CNBD1: variants seen among roughly 807,000 people sequenced by gnomAD.
CNBD1 encodes the protein cyclic nucleotide-binding domain-containing protein 1.
A neutral mutation model predicts 54.4 loss-of-function variants in CNBD1; 71 were observed. The ratio of observed to expected loss-of-function variants is 1.30; its 90% confidence interval spans 1.08 to 1.59. The LOEUF is 1.59. CNBD1 is among the 40% of genes most tolerant of loss of function. CNBD1 has a pLI of 0.00. For missense variants in CNBD1, 659 were observed against 518.0 expected (o/e 1.27, Z -2.64); for synonymous variants, 182 against 170.7 (o/e 1.07, Z -0.51).
intron 8 of CNBD1, among the ~76,000 whole-genome samples, chr8:87,301,711 T>C (rs76996287): frequency 0.044 from 6,666 of 152,134 alleles, 190 homozygotes; most frequent in Non-Finnish European, 0.06. Flanking sequence ...ACCTGGTTTT[T>C]TGAAAAGATC....
intron 8 of CNBD1, among the ~76,000 whole-genome samples, chr8:87,304,285 A>G (rs374294942): frequency 2.0e-5 from 3 of 152,332 alleles, no homozygotes; most frequent in Admixed American, 6.5e-5. Flanking sequence ...GCGCATATAC[A>G]CCATGGAATA....
intron 4 of CNBD1, among the ~76,000 whole-genome samples, chr8:87,017,085 T>C (rs1248822791): frequency 6.6e-6 from 1 of 152,166 alleles, no homozygotes; most frequent in Non-Finnish European, 1.5e-5. Flanking sequence ...GTCATACAGA[T>C]GCAACCCCCT....
chr8:87,097,529 A>G (rs1811344934), intron 4 of CNBD1, among the ~76,000 whole-genome samples: 1 of 152,224 alleles, frequency 6.6e-6, no homozygotes, highest in Non-Finnish European at 1.5e-5. Context: ...ATTAGAAATA[A>G]TTATAGCCTT....
intron 4 of CNBD1, among the ~76,000 whole-genome samples, chr8:86,986,665 A>C (rs1808614581): frequency 6.6e-6 from 1 of 152,164 alleles, no homozygotes; most frequent in Non-Finnish European, 1.5e-5. Context: ...TTAAATCTTT[A>C]ATCCATCTTG....
chr8:87,250,791 T>G (rs950979089), intron 6 of CNBD1, among the ~76,000 whole-genome samples: 1 of 152,070 alleles, frequency 6.6e-6, no homozygotes, highest in Non-Finnish European at 1.5e-5. Context: ...CTCATGGAGA[T>G]AGTGAGTGGA....
chr8:87,225,723 C>G (rs941978377), intron 5 of CNBD1, among the ~76,000 whole-genome samples: 1 of 151,776 alleles, frequency 6.6e-6, no homozygotes, highest in African/African-American at 2.4e-5. Context: ...TGTCTCTGCT[C>G]GGCTTTGGTA....
At chr8:87,418,775 G>A (rs1008836709) in intron 2 of CNBD1, among the ~76,000 whole-genome samples, 1 of 151,774 alleles carries the variant, frequency 6.6e-6, no homozygotes, top group Non-Finnish European at 1.5e-5. Flanking sequence ...CATCCAATAG[G>A]ATATCAAAAT....
At chr8:87,339,214 T>C (rs1165645901) in intron 8 of CNBD1, among the ~76,000 whole-genome samples, 1 of 152,220 alleles carries the variant, frequency 6.6e-6, no homozygotes, top group African/African-American at 2.4e-5. Flanking sequence ...AAGTGATTAC[T>C]ATCTGATACT....
chr8:87,256,013 A>AT (rs1808014014), intron 6 of CNBD1, among the ~76,000 whole-genome samples: 4 of 18,174 alleles, frequency 2.2e-4, no homozygotes, highest in African/African-American at 3.0e-4. Flanking sequence ...ATATATATAT[A>AT]TATTTTTTTT....
In CNBD1 at chr8:87,289,474, A is replaced by T. The variant is rs540477242; in HGVS notation, c.1042+2803A>T. 7.6e-4 allele frequency among the ~76,000 whole-genome samples: 116 copies of T among 152,278 alleles called. 1 individual carries two copies. The highest frequency in any genetic ancestry group is 2.6e-3 in the African/African-American group (107 of 41,576). ...CGACAACCAGCTTAGGTCACTAATCAACCTGTTCCCATGTGTATCATGGAT... is the reference window on the plus strand; with the variant it reads ...CGACAACCAGCTTAGGTCACTAATCTACCTGTTCCCATGTGTATCATGGAT... On this transcript the variant is annotated intron_variant, in intron 8 of 10. Coordinates refer to ENST00000518476, the MANE Select transcript of CNBD1 (RefSeq NM_173538.3).
chr8:87,381,661 G>A (rs1232459225), intron 10 of CNBD1, among the ~76,000 whole-genome samples: 1 of 151,926 alleles, frequency 6.6e-6, no homozygotes, highest in African/African-American at 2.4e-5. Context: ...ACATAAAATG[G>A]AATGCTATTC....
chr8:87,414,929 G>T (rs1807811741), intron 2 of CNBD1, among the ~76,000 whole-genome samples: 1 of 152,028 alleles, frequency 6.6e-6, no homozygotes, highest in Non-Finnish European at 1.5e-5. Flanking sequence ...TTACAGGTCT[G>T]ACCTGGAACT....
At chr8:87,211,208 G>A (rs773501126) in intron 5 of CNBD1, among the ~76,000 whole-genome samples, 1 of 152,158 alleles carries the variant, frequency 6.6e-6, no homozygotes, top group Non-Finnish European at 1.5e-5. Flanking sequence ...GAATGGGAAT[G>A]TTTTTCCATT....
intron 4 of CNBD1, among the ~76,000 whole-genome samples, chr8:87,059,792 C>T (rs1282369838): frequency 3.3e-5 from 5 of 152,186 alleles, no homozygotes; most frequent in African/African-American, 1.2e-4. Context: ...CAGACCATAT[C>T]AGGCCACATG....
chr8:87,289,450 G>A (rs917994969), intron 8 of CNBD1, among the ~76,000 whole-genome samples: 2 of 152,086 alleles, frequency 1.3e-5, no homozygotes, highest in Non-Finnish European at 1.5e-5. Context: ...ACTTGAAAGC[G>A]ACAACCAGCT....
In CNBD1 at chr8:87,140,358, A is replaced by G. The variant is rs182225773; in HGVS notation, c.432-65635A>G. 9.8e-4 allele frequency among the ~76,000 whole-genome samples: 150 copies of G among 152,288 alleles called. 3 individuals are homozygous for G. In the East Asian group the frequency reaches 0.023, roughly 24 times the overall value. On this transcript the variant is annotated intron_variant, in intron 4 of 10. Coordinates refer to ENST00000518476, the MANE Select transcript of CNBD1 (RefSeq NM_173538.3). ...AGAGATAGGTTATAGATTGAGGTCTATCTCCCTTCAGAGATTTTGTACTTC... is the reference window on the plus strand; with the variant it reads ...AGAGATAGGTTATAGATTGAGGTCTGTCTCCCTTCAGAGATTTTGTACTTC...
At chr8:87,363,981 T>A (rs1051656406) in intron 10 of CNBD1, among the ~76,000 whole-genome samples, 7 of 144,838 alleles carry the variant, frequency 4.8e-5, no homozygotes, top group Non-Finnish European at 1.1e-4. Context: ...TTTTTTTTTT[T>A]AAACGAATGA....
At chr8:86,922,015 T>C (rs927668211) in intron 3 of CNBD1, among the ~76,000 whole-genome samples, 1 of 152,024 alleles carries the variant, frequency 6.6e-6, no homozygotes, top group Non-Finnish European at 1.5e-5. Context: ...GCAGATGGTG[T>C]ACTGGAAGAT....
intron 10 of CNBD1, among the ~76,000 whole-genome samples, chr8:87,361,490 G>A (rs1407449126): frequency 6.6e-6 from 1 of 151,578 alleles, no homozygotes; most frequent in African/African-American, 2.4e-5. Context: ...AGATGAAAAA[G>A]CAATTTCACT....
Sources: gnomAD v4.1 joint callset for allele counts (sites outside exome capture counted in the v4.1 genomes callset) on GRCh38, gnomAD v4.1.1 for gene constraint, MANE v1.5 for transcripts, NCBI Gene and HGNC (gene_info 2026-07-23, HGNC 2026-07-21) for gene names.